GRIP1: variants seen among roughly 807,000 people sequenced by gnomAD.
GRIP1 encodes glutamate receptor interacting protein 1.
GRIP1 carries 45 observed loss-of-function variants against 129.9 expected under a neutral mutation model. The observed-to-expected ratio is 0.35, with a 90% CI of 0.27 to 0.44. GRIP1 has a LOEUF of 0.44. GRIP1 is among the 20% of genes least tolerant of loss of function. The probability of loss-of-function intolerance (pLI) is 1.00; values close to 1 mark genes in which losing one functional copy is unlikely to be tolerated. For missense variants in GRIP1, 1,196 were observed against 1,396.8 expected, an observed-to-expected ratio of 0.86 and a Z score of 2.29; for synonymous variants, 530 against 520.8, an observed-to-expected ratio of 1.02 and a Z score of -0.24.
chr12:66,664,921 C>G (rs2033711908), intron 1 of GRIP1, among the ~76,000 whole-genome samples: 1 of 152,104 alleles, frequency 6.6e-6, no homozygotes, highest in Non-Finnish European at 1.5e-5. Flanking sequence ...TCCCCTTCCT[C>G]AATAGGAATT....
chr12:66,396,982 G>C (rs777282966), intron 16 of GRIP1, among the ~76,000 whole-genome samples: 28 of 151,716 alleles, frequency 1.8e-4, no homozygotes, highest in Admixed American at 7.9e-4. Flanking sequence ...ATGGTGCCTC[G>C]TGCCTGTAGT....
intron 1 of GRIP1, among the ~76,000 whole-genome samples, chr12:66,921,154 GC>G (rs1339842697): frequency 3.9e-5 from 6 of 152,186 alleles, no homozygotes; most frequent in Non-Finnish European, 7.3e-5. Flanking sequence ...GACTTCAGAA[GC>G]CCTTCAGCTC....
intron 1 of GRIP1, among the ~76,000 whole-genome samples, chr12:66,992,593 A>G (rs2042409783): frequency 6.6e-6 from 1 of 152,188 alleles, no homozygotes; most frequent in Non-Finnish European, 1.5e-5. Context: ...CACTCTGCCC[A>G]ACAATTACAG....
intron 1 of GRIP1, among the ~76,000 whole-genome samples, chr12:66,731,038 A>C (rs975017697): frequency 2.6e-5 from 4 of 151,284 alleles, no homozygotes; most frequent in Non-Finnish European, 5.9e-5. Context: ...CTATAAGCCT[A>C]CTCTTCTGGC....
At chr12:66,433,095 A>G (rs2058198384) in intron 13 of GRIP1, among the ~76,000 whole-genome samples, 3 of 150,442 alleles carry the variant, frequency 2.0e-5, no homozygotes, top group Non-Finnish European at 4.4e-5. Context: ...CCCCACCTCC[A>G]CTCCTATTTA....
intron 1 of GRIP1, among the ~76,000 whole-genome samples, chr12:66,954,465 C>A (rs114699300): frequency 6.6e-6 from 1 of 152,122 alleles, no homozygotes; most frequent in African/African-American, 2.4e-5. Context: ...GCCAAGTGTC[C>A]TGGAACCCCA....
chr12:66,499,577 C>T (rs1043811058), intron 7 of GRIP1, among the ~76,000 whole-genome samples: 1 of 152,074 alleles, frequency 6.6e-6, no homozygotes, highest in Non-Finnish European at 1.5e-5. Context: ...GGAGGAGAGA[C>T]AGTCACACAC....
intron 19 of GRIP1, among the ~76,000 whole-genome samples, chr12:66,388,074 TAA>T (rs888070843): frequency 1.4e-5 from 2 of 144,174 alleles, no homozygotes; most frequent in Non-Finnish European, 1.5e-5. Context: ...AAATTGTACG[TAA>T]AAAAAAAAAC....
chr12:66,815,856 C>CTCTCTT (rs2039207331), intron 1 of GRIP1, among the ~76,000 whole-genome samples: 1 of 134,102 alleles, frequency 7.5e-6, no homozygotes, highest in Non-Finnish European at 1.6e-5. Flanking sequence ...TTCTTTCTTT[C>CTCTCTT]TCTCTCTCTC....
chr12:66,639,570 G>A (rs2097641919), intron 1 of GRIP1, among the ~76,000 whole-genome samples: 1 of 152,104 alleles, frequency 6.6e-6, no homozygotes, highest in Non-Finnish European at 1.5e-5. Context: ...TCAGGTAGGT[G>A]GGTTGTGAAG....
At chr12:66,740,616 T>C (rs1233911623) in intron 1 of GRIP1, among the ~76,000 whole-genome samples, 1 of 152,148 alleles carries the variant, frequency 6.6e-6, no homozygotes, top group South Asian at 2.1e-4. Context: ...AGCCAAACTA[T>C]AGGGAGGTAA....
At chr12:66,825,247 T>A (rs893763500) in intron 1 of GRIP1, among the ~76,000 whole-genome samples, 4 of 152,164 alleles carry the variant, frequency 2.6e-5, no homozygotes, top group Non-Finnish European at 5.9e-5. Context: ...TATAAGCAAA[T>A]TTTTTCATGC....
chr12:66,789,400 T>C (rs986712924), intron 1 of GRIP1, among the ~76,000 whole-genome samples: 17 of 152,174 alleles, frequency 1.1e-4, no homozygotes, highest in Non-Finnish European at 2.5e-4. Context: ...AGTGCTTTTG[T>C]TTTCTCATCT....
intron 2 of GRIP1, among the ~76,000 whole-genome samples, chr12:66,558,742 T>A (rs1163317965): frequency 6.6e-6 from 1 of 152,008 alleles, no homozygotes; most frequent in Non-Finnish European, 1.5e-5. Flanking sequence ...CTGCTGATTT[T>A]TACCAAACAT....
intron 1 of GRIP1, among the ~76,000 whole-genome samples, chr12:67,062,429 C>T (rs1234579529): frequency 6.6e-6 from 1 of 152,172 alleles, no homozygotes; most frequent in Non-Finnish European, 1.5e-5. Context: ...CCTGAAATTC[C>T]TTTCCTTCTA....
chr12:66,370,795 A>C (rs534339240), intron 23 of GRIP1, among the ~76,000 whole-genome samples: 4 of 152,232 alleles, frequency 2.6e-5, no homozygotes, highest in Admixed American at 6.5e-5. Context: ...TAACCCTGCC[A>C]GCAAATCTTG....
intron 2 of GRIP1, among the ~76,000 whole-genome samples, chr12:66,544,103 T>C (rs943280068): frequency 2.0e-5 from 3 of 152,210 alleles, no homozygotes; most frequent in African/African-American, 7.2e-5. Context: ...CCTGAAAATC[T>C]AGAAAAGCTC....
chr12:66,571,647 C>T (rs2062963712), intron 2 of GRIP1, among the ~76,000 whole-genome samples: 1 of 152,124 alleles, frequency 6.6e-6, no homozygotes, highest in Admixed American at 6.5e-5. Flanking sequence ...TCACAAAGCC[C>T]AGGAGAGCAT....
At position 66,353,490 on chromosome 12, in the gene GRIP1, A is replaced by C; in HGVS notation, c.3086T>G (p.Val1029Gly). The C allele has an allele frequency of 6.2e-7, 1 of 1,612,442 alleles. No homozygotes were observed. The highest frequency in any genetic ancestry group is 8.5e-7 in the Non-Finnish European group (1 of 1,178,858). ...AGCTGGGCGAATATTTTTGACATAC[A>C]CTCCTTTCTCCAGTAAGCCATCTGC... ...SVADGLLEKG[V>G]YVKNIRPAGP... is the part of the protein sequence containing the mutation. The change falls in exon 24 of 25, where the codon GTG becomes GGG. Residue 1029 changes from valine (V) to glycine (G), a missense_variant. This residue lies in a region of GRIP1 where 427 missense variants were observed against 463.3 expected (regional missense o/e 0.92). Coordinates refer to ENST00000359742, the MANE Select transcript of GRIP1 (RefSeq NM_001366722.1).
Sources: allele counts gnomAD v4.1 joint callset (sites outside exome capture counted in the v4.1 genomes callset), GRCh38; gene constraint gnomAD v4.1.1; regional missense constraint gnomAD v4.1.1; transcripts MANE v1.5; gene names NCBI Gene and HGNC (gene_info 2026-07-23, HGNC 2026-07-21).